FANK1: variants seen among roughly 807,000 people sequenced by gnomAD.
FANK1 encodes the protein fibronectin type III and ankyrin repeat domains 1, also known as fibronectin type 3 and ankyrin repeat domains protein 1.
Under a neutral mutation model 45.3 loss-of-function variants are expected in FANK1, and 44 were observed. The observed-to-expected ratio is 0.97, with a 90% CI of 0.76 to 1.25. The LOEUF (loss-of-function observed/expected upper bound fraction) is 1.25, where lower values mean the gene tolerates loss of function less well. Ranked by LOEUF, FANK1 falls within the 50% of genes most tolerant of loss-of-function variation. The pLI is 0.00. For synonymous variants in FANK1, 149 were observed against 152.5 expected, an observed-to-expected ratio of 0.98 and a Z score of 0.17; for missense variants, 391 against 424.4, an observed-to-expected ratio of 0.92 and a Z score of 0.69.
intron 1 of FANK1, among the ~76,000 whole-genome samples, chr10:125,959,098 T>G (rs1015176495): frequency 1.3e-5 from 2 of 152,158 alleles, no homozygotes; most frequent in Admixed American, 6.5e-5. Context: ...TTTAAACATT[T>G]CTTAAGACAT....
At chr10:125,990,852 AAAG>A (rs1951878005) in intron 3 of FANK1, among the ~76,000 whole-genome samples, 1 of 152,216 alleles carries the variant, frequency 6.6e-6, no homozygotes, top group Non-Finnish European at 1.5e-5. Context: ...GGTGGAAGGC[AAAG>A]AAGGAGTAAA....
chr10:125,956,391 G>A (rs10794043), intron 1 of FANK1, among the ~76,000 whole-genome samples: 105,830 of 152,122 alleles, frequency 0.7, 38,073 homozygotes, highest in South Asian at 0.79. Context: ...AAGCTCTAAT[G>A]TTAAGCCTCC....
chr10:125,905,233 G>A lies in FANK1; in HGVS notation c.13+8578G>A, dbSNP rs572358098. On this transcript the variant is annotated intron_variant, in intron 1 of 10. Coordinates refer to ENST00000368693, the MANE Select transcript of FANK1 (RefSeq NM_145235.5). The stretch of plus-strand genomic sequence containing the variant: ...GATCACTGGAACGTGACTGTGAATA[G>A]CCACTGCACTCCAGCCTGGGCAACA... Among the ~76,000 whole-genome samples the A allele has an allele frequency of 4.6e-5, 7 of 152,394 alleles. No individual in the cohort carries two copies. The South Asian group carries it at 1.5e-3, about 32-fold the overall frequency.
intron 1 of FANK1, among the ~76,000 whole-genome samples, chr10:125,971,833 A>G (rs190249491): frequency 4.3e-4 from 65 of 152,226 alleles, no homozygotes; most frequent in Non-Finnish European, 5.3e-4. Flanking sequence ...CATGTTAGCC[A>G]GGATGGTCTC....
At chr10:125,927,721 T>C (rs183727073) in intron 1 of FANK1, among the ~76,000 whole-genome samples, 25 of 152,176 alleles carry the variant, frequency 1.6e-4, no homozygotes, top group Admixed American at 1.0e-3. Flanking sequence ...TGGCTAATTT[T>C]TTTTAGTAGA....
At chr10:125,916,077 C>T (rs944864703) in intron 1 of FANK1, among the ~76,000 whole-genome samples, 1 of 151,934 alleles carries the variant, frequency 6.6e-6, no homozygotes, top group Non-Finnish European at 1.5e-5. Flanking sequence ...GCTCTGTCAC[C>T]AGGCTGGAGT....
intron 2 of FANK1, among the ~76,000 whole-genome samples, chr10:125,985,117 A>G (rs1421673201): frequency 6.6e-6 from 1 of 152,158 alleles, no homozygotes; most frequent in Non-Finnish European, 1.5e-5. Context: ...TTCCCTTTCC[A>G]GGGGTTATGG....
intron 1 of FANK1, among the ~76,000 whole-genome samples, chr10:125,925,623 T>C (rs996313473): frequency 6.6e-6 from 1 of 152,254 alleles, no homozygotes; most frequent in Non-Finnish European, 1.5e-5. Flanking sequence ...TCTTGAGCTC[T>C]TGGTCTCAGG....
chr10:125,969,401 GA>G lies in FANK1; in HGVS notation c.14-10754del, dbSNP rs1184692702. On this transcript the variant is annotated intron_variant, in intron 1 of 10. Coordinates refer to ENST00000368693, the MANE Select transcript of FANK1 (RefSeq NM_145235.5). ...AGATCTGAGACTTACTTATGACCAAGAAAAAATAGTTCTAAAACTTTTGTAT... is the reference window on the plus strand; with the variant it reads ...AGATCTGAGACTTACTTATGACCAAGAAAAATAGTTCTAAAACTTTTGTAT... Among the ~76,000 whole-genome samples the G allele has an allele frequency of 4.0e-5, 6 of 151,156 alleles. No homozygotes were observed. In the East Asian group the frequency reaches 1.2e-3, roughly 29 times the overall value.
chr10:126,002,236 C>T (rs920798441), intron 6 of FANK1, among the ~76,000 whole-genome samples: 5 of 152,002 alleles, frequency 3.3e-5, no homozygotes, highest in Non-Finnish European at 7.4e-5. Flanking sequence ...CACTAGAACC[C>T]AGGAGGCGGA....
intron 1 of FANK1, among the ~76,000 whole-genome samples, chr10:125,961,747 A>T (rs942579400): frequency 5.3e-5 from 8 of 152,172 alleles, no homozygotes; most frequent in African/African-American, 1.9e-4. Context: ...GGAGTTTAAG[A>T]CCAGCCTAGG....
intron 1 of FANK1, among the ~76,000 whole-genome samples, chr10:125,928,261 C>CCT (rs367800250): frequency 7.3e-6 from 1 of 137,722 alleles, no homozygotes; most frequent in Non-Finnish European, 1.5e-5. Context: ...TTATTCGTGC[C>CCT]TTTTTTTTTT....
chr10:125,924,806 C>CAAAAAA (rs58856642), intron 1 of FANK1, among the ~76,000 whole-genome samples: 7 of 70,738 alleles, frequency 9.9e-5, no homozygotes, highest in African/African-American at 1.3e-4. Context: ...GACCCCATCT[C>CAAAAAA]AAAAAAAAAA....
chr10:125,953,590 A>G (rs1178081560), intron 1 of FANK1, among the ~76,000 whole-genome samples: 1 of 152,216 alleles, frequency 6.6e-6, no homozygotes, highest in African/African-American at 2.4e-5. Context: ...TGGGCCCTAC[A>G]AAGTGAGCAG....
intron 2 of FANK1, among the ~76,000 whole-genome samples, chr10:125,982,824 A>G (rs1951305855): frequency 6.6e-6 from 1 of 151,730 alleles, no homozygotes; most frequent in South Asian, 2.1e-4. Flanking sequence ...CCCCTGCAGG[A>G]TGTAGGCTTT....
intron 2 of FANK1, among the ~76,000 whole-genome samples, chr10:125,986,394 A>G (rs1369733479): frequency 1.3e-5 from 2 of 152,206 alleles, no homozygotes; most frequent in South Asian, 2.1e-4. Flanking sequence ...GAAATTTCAC[A>G]TTTTAACAAA....
At chr10:125,954,622 A>G (rs1949460218) in intron 1 of FANK1, among the ~76,000 whole-genome samples, 1 of 152,154 alleles carries the variant, frequency 6.6e-6, no homozygotes, top group African/African-American at 2.4e-5. Context: ...TTTCATTTTA[A>G]AAAAATAGAG....
intron 3 of FANK1, chr10:125,989,138 C>T (rs574408315): frequency 4.7e-5 from 32 of 686,728 alleles, no homozygotes; most frequent in African/African-American, 1.6e-4. Context: ...TGAGGGTGAA[C>T]GAACAGTGCT....
chr10:126,008,299 G>A (rs759116306), intron 7 of FANK1, 108 bp from the exon 8 acceptor site: 49 of 1,393,268 alleles, frequency 3.5e-5, no homozygotes, highest in East Asian at 5.0e-5. Context: ...ATAGAAAGAC[G>A]GCTATCTAAG....
Sources: gnomAD v4.1 joint callset for allele counts (sites outside exome capture counted in the v4.1 genomes callset) on GRCh38, gnomAD v4.1.1 for gene constraint, MANE v1.5 for transcripts, NCBI Gene and HGNC (gene_info 2026-07-23, HGNC 2026-07-21) for gene names.